CNTLN: variants seen among roughly 807,000 people sequenced by gnomAD.
The protein encoded by CNTLN is centlein.
CNTLN carries 212 observed loss-of-function variants against 180.0 expected under a neutral mutation model. The observed-to-expected ratio is 1.18, with a 90% CI of 1.05 to 1.32. The LOEUF (loss-of-function observed/expected upper bound fraction) is 1.32, where lower values mean the gene tolerates loss of function less well. Among genes scored for constraint, CNTLN ranks in the 40% most tolerant of loss-of-function variants. The probability of loss-of-function intolerance (pLI) is 0.00; values close to 1 mark genes in which losing one functional copy is unlikely to be tolerated. For missense variants in CNTLN, 2,095 were observed against 1,610.9 expected, an observed-to-expected ratio of 1.30 and a Z score of -5.14; for synonymous variants, 722 against 563.1, an observed-to-expected ratio of 1.28 and a Z score of -3.99.
Position 17,484,331 on chromosome 9 carries a change from G to A in CNTLN, c.3892G>A (p.Val1298Ile). 1 of 1,608,168 alleles carries A rather than the reference G, an allele frequency of 6.2e-7. No homozygotes were observed. Among genetic ancestry groups the A allele is most frequent in the Non-Finnish European group, 8.5e-7 (1 of 1,178,366 alleles). ...AGAGTTGCAAAATGATGTCCATGTG[G>A]TAAGGCGACAAATAAGAGAGCTTAA... Reference protein sequence around the residue: ...AKELQNDVHVVRRQIRELKKM... With the variant: ...AKELQNDVHVIRRQIRELKKM... The change falls in exon 24 of 26, where the codon GTA becomes ATA. Residue 1298 changes from valine to isoleucine, a missense_variant. Physicochemically the swap from Val to Ile is conservative, Grantham distance 29 (BLOSUM62 3). Coordinates refer to ENST00000380647, the MANE Select transcript of CNTLN (RefSeq NM_017738.4).
At chr9:17,461,915 A>C (rs1001651600) in intron 19 of CNTLN, among the ~76,000 whole-genome samples, 4 of 151,724 alleles carry the variant, frequency 2.6e-5, no homozygotes, top group African/African-American at 9.7e-5. Flanking sequence ...GTGTTCTAAC[A>C]CTCTAGTTAC....
intron 2 of CNTLN, among the ~76,000 whole-genome samples, chr9:17,165,838 T>C (rs116365570): frequency 0.019 from 2,891 of 152,270 alleles, 59 homozygotes; most frequent in African/African-American, 0.05. Flanking sequence ...AAATAATTCT[T>C]CTCTGGAGAA....
At chr9:17,233,216 C>T (rs1416000125) in intron 3 of CNTLN, among the ~76,000 whole-genome samples, 2 of 151,718 alleles carry the variant, frequency 1.3e-5, no homozygotes, top group Non-Finnish European at 2.9e-5. Flanking sequence ...ACTTCATGAC[C>T]CATTATACAC....
intron 6 of CNTLN, among the ~76,000 whole-genome samples, chr9:17,290,493 C>T (rs1024111087): frequency 2.0e-5 from 3 of 146,394 alleles, no homozygotes; most frequent in Non-Finnish European, 4.5e-5. Context: ...AGAGGTGGAG[C>T]CTACAGAGGC....
At chr9:17,374,578 A>G (rs1288674883) in intron 13 of CNTLN, among the ~76,000 whole-genome samples, 3 of 152,148 alleles carry the variant, frequency 2.0e-5, no homozygotes, top group African/African-American at 7.2e-5. Context: ...AATTAGAAAT[A>G]GGCTGGGTGC....
intron 18 of CNTLN, among the ~76,000 whole-genome samples, chr9:17,427,208 C>T (rs1332701203): frequency 6.6e-6 from 1 of 151,992 alleles, no homozygotes; most frequent in Non-Finnish European, 1.5e-5. Flanking sequence ...ACCGAACCTC[C>T]AGTCACATGC....
At chr9:17,244,263 G>A (rs1825673126) in intron 5 of CNTLN, among the ~76,000 whole-genome samples, 2 of 151,306 alleles carry the variant, frequency 1.3e-5, no homozygotes, top group African/African-American at 4.9e-5. Context: ...CCAGACTGGA[G>A]TGCAGTGGCA....
chr9:17,266,464 G>A (rs1296863435), intron 5 of CNTLN, among the ~76,000 whole-genome samples: 1 of 152,020 alleles, frequency 6.6e-6, no homozygotes, highest in Non-Finnish European at 1.5e-5. Context: ...CCCAGTATGT[G>A]GTCAATTTTG....
At chr9:17,323,747 C>G (rs1820077290) in intron 8 of CNTLN, among the ~76,000 whole-genome samples, 1 of 152,112 alleles carries the variant, frequency 6.6e-6, no homozygotes, top group Non-Finnish European at 1.5e-5. Context: ...ATAATTTGGC[C>G]AACCCTTTGA....
intron 3 of CNTLN, among the ~76,000 whole-genome samples, chr9:17,227,623 C>T (rs1366091073): frequency 6.6e-6 from 1 of 151,808 alleles, no homozygotes; most frequent in Non-Finnish European, 1.5e-5. Flanking sequence ...GAACTTTGAT[C>T]TAGGATCAGT....
chr9:17,395,525 C>G (rs773271832), intron 15 of CNTLN, among the ~76,000 whole-genome samples: 1 of 152,088 alleles, frequency 6.6e-6, no homozygotes, highest in Non-Finnish European at 1.5e-5. Flanking sequence ...TTTGAATGAC[C>G]CATTTCAGCT....
In CNTLN at chr9:17,457,526, G is replaced by C; in HGVS notation, c.3117G>C (p.Lys1039Asn). The change falls in exon 19 of 26, where the codon AAG becomes AAC. Residue 1039 changes from lysine to asparagine, a missense_variant and splice_region_variant. Physicochemically the swap from Lys to Asn is moderately conservative, Grantham distance 94 (BLOSUM62 0). Transcript: ENST00000380647. ...RFQTSRQTIK[K>N]LNLDLAGLRK... ...TATTTTCTTTTTTTAAAAAAAAGAA[G>C]CTAAATTTGGATTTGGCTGGGCTTC... The C allele has an allele frequency of 6.9e-7, 1 of 1,439,932 alleles. No individual in the cohort carries two copies. Among genetic ancestry groups the C allele is most frequent in the Non-Finnish European group, 9.2e-7 (1 of 1,091,522 alleles). 89.2% of individuals were successfully genotyped at this position (1,439,932 alleles called of 1,614,324 possible).
chr9:17,472,315 T>G (rs1354730401), intron 23 of CNTLN, among the ~76,000 whole-genome samples: 5 of 152,116 alleles, frequency 3.3e-5, no homozygotes, highest in Admixed American at 6.6e-5. Context: ...TTCAAATAGA[T>G]CTCAGAAGCC....
intron 7 of CNTLN, among the ~76,000 whole-genome samples, chr9:17,305,787 C>CT (rs1387260548): frequency 2.0e-5 from 3 of 152,134 alleles, no homozygotes; most frequent in Admixed American, 6.5e-5. Flanking sequence ...TTCCTGTACT[C>CT]TAAGTTCACA....
At chr9:17,371,447 C>T (rs767423188) in intron 13 of CNTLN, among the ~76,000 whole-genome samples, 24 of 152,020 alleles carry the variant, frequency 1.6e-4, no homozygotes, top group Admixed American at 1.2e-3. Flanking sequence ...TCACCCAACA[C>T]GCTAGTACCC....
Position 17,457,650 on chromosome 9 carries a change from G to A in CNTLN, c.3241G>A (p.Val1081Ile). 6.5e-7 allele frequency: 1 copy of A among 1,545,568 alleles called. No homozygotes were observed. The highest frequency in any genetic ancestry group is 1.2e-5 in the South Asian group (1 of 80,080). The change falls in exon 19 of 26, where the codon GTT (valine) becomes ATT (isoleucine). Residue 1081 changes from valine (V) to isoleucine (I), a missense_variant. Val to Ile is a conservative substitution (Grantham distance 29). Coordinates refer to ENST00000380647, the MANE Select transcript of CNTLN (RefSeq NM_017738.4). ...NSQVTFPRIQ[V>I]TSLSPSRSMD... ...CCAGGTAACATTTCCACGGATACAA[G>A]TTACATCACTTAGTCCTTCAAGGAG...
intron 13 of CNTLN, among the ~76,000 whole-genome samples, chr9:17,380,180 T>C (rs1825121642): frequency 6.6e-6 from 1 of 152,172 alleles, no homozygotes; most frequent in African/African-American, 2.4e-5. Flanking sequence ...GAGGGTTGTC[T>C]CATTGCCAGT....
At chr9:17,361,697 A>G (rs898636560) in intron 12 of CNTLN, among the ~76,000 whole-genome samples, 2 of 152,136 alleles carry the variant, frequency 1.3e-5, no homozygotes. Context: ...TGAGACTGTC[A>G]TGTTCTTCTT....
chr9:17,479,047 T>C (rs1832501983), intron 23 of CNTLN, among the ~76,000 whole-genome samples: 1 of 152,034 alleles, frequency 6.6e-6, no homozygotes. Context: ...AGATAATAAG[T>C]GTGAGTGAGG....
Sources: allele counts gnomAD v4.1 joint callset (sites outside exome capture counted in the v4.1 genomes callset), GRCh38; gene constraint gnomAD v4.1.1; transcripts MANE v1.5; gene names NCBI Gene and HGNC (gene_info 2026-07-23, HGNC 2026-07-21).